Variants in GNG7 observed in about 807,000 individuals in gnomAD.
The protein encoded by GNG7 is guanine nucleotide-binding protein G(I)/G(S)/G(O) subunit gamma-7.
A neutral mutation model predicts 4.0 loss-of-function variants in GNG7; 1 was observed. That is an observed-to-expected ratio of 0.25 (90% confidence interval 0.09 to 1.18). The LOEUF is 1.18. GNG7 is among the 50% of genes most tolerant of loss of function. The probability of loss-of-function intolerance (pLI) is 0.50; values close to 1 mark genes in which losing one functional copy is unlikely to be tolerated. For synonymous variants in GNG7, 34 were observed against 36.9 expected (o/e 0.92, Z 0.29); for missense variants, 86 against 91.9 (o/e 0.94, Z 0.26).
intron 1 of GNG7, among the ~76,000 whole-genome samples, chr19:2,701,823 C>T (rs1274703845): frequency 6.6e-6 from 1 of 151,684 alleles, no homozygotes; most frequent in African/African-American, 2.4e-5. Context: ...CCCCCAACAC[C>T]ATCCCCAGCG....
At chr19:2,650,276 C>G (rs1293132162) in intron 1 of GNG7, among the ~76,000 whole-genome samples, 1 of 151,112 alleles carries the variant, frequency 6.6e-6, no homozygotes, top group Admixed American at 6.6e-5. Flanking sequence ...ACCTCCACCT[C>G]CCGAGTTCAA....
At chr19:2,637,296 T>A (rs1362299219) in intron 2 of GNG7, among the ~76,000 whole-genome samples, 1 of 151,648 alleles carries the variant, frequency 6.6e-6, no homozygotes, top group Non-Finnish European at 1.5e-5. Flanking sequence ...GAGCAGGGGA[T>A]CACGGTGCTG....
intron 2 of GNG7, among the ~76,000 whole-genome samples, chr19:2,556,028 A>C (rs1488729611): frequency 6.6e-6 from 1 of 152,220 alleles, no homozygotes; most frequent in Non-Finnish European, 1.5e-5. Flanking sequence ...CCAGGCAGCG[A>C]TCTGCCCCCT....
intron 1 of GNG7, among the ~76,000 whole-genome samples, chr19:2,649,016 G>A (rs1982740770): frequency 6.6e-6 from 1 of 152,040 alleles, no homozygotes; most frequent in African/African-American, 2.4e-5. Context: ...AGCCTCCTGA[G>A]GAGCTGGGCC....
At chr19:2,670,009 CA>C (rs796312127) in intron 1 of GNG7, among the ~76,000 whole-genome samples, 938 of 78,058 alleles carry the variant, frequency 0.012, 2 homozygotes, top group African/African-American at 0.032. Context: ...GACTCTGTCT[CA>C]AAAAAAAAAA....
chr19:2,682,199 G>A (rs186073316), intron 1 of GNG7, among the ~76,000 whole-genome samples: 6 of 151,644 alleles, frequency 4.0e-5, no homozygotes, highest in African/African-American at 7.3e-5. Context: ...GTGAGCCACC[G>A]CGCCCGGCCT....
chr19:2,573,018 CCTT>C (rs1377221313), intron 2 of GNG7, among the ~76,000 whole-genome samples: 165 of 148,180 alleles, frequency 1.1e-3, no homozygotes, highest in African/African-American at 4.0e-3. Context: ...GGAAATTTCT[CCTT>C]TTTTTTTTTT....
At chr19:2,612,507 AC>A (rs34728363) in intron 2 of GNG7, among the ~76,000 whole-genome samples, 51 of 148,676 alleles carry the variant, frequency 3.4e-4, no homozygotes, top group Non-Finnish European at 5.7e-4. Context: ...TGAAGCCAGG[AC>A]CCCCCCCAGG....
At chr19:2,616,783 C>A (rs1042485522) in intron 2 of GNG7, among the ~76,000 whole-genome samples, 8 of 151,632 alleles carry the variant, frequency 5.3e-5, no homozygotes, top group Non-Finnish European at 7.4e-5. Context: ...AAAAAAAAAA[C>A]CAGACAAATA....
chr19:2,637,500 C>A (rs1438367077), intron 2 of GNG7, among the ~76,000 whole-genome samples: 1 of 152,200 alleles, frequency 6.6e-6, no homozygotes, highest in Non-Finnish European at 1.5e-5. Context: ...GCCAAAGCCG[C>A]ACTCGCCCAG....
chr19:2,702,097 C>T (rs1250880201), intron 1 of GNG7, among the ~76,000 whole-genome samples: 2 of 150,710 alleles, frequency 1.3e-5, no homozygotes, highest in Non-Finnish European at 3.0e-5. Flanking sequence ...AATCCCGCTC[C>T]AAGCTCCCTC....
At chr19:2,542,018 T>C (rs938227589) in intron 3 of GNG7, among the ~76,000 whole-genome samples, 2 of 151,006 alleles carry the variant, frequency 1.3e-5, no homozygotes, top group African/African-American at 4.9e-5. Flanking sequence ...TGTCTGGGGC[T>C]GGCTGCAGGG....
At chr19:2,585,418 A>C (rs1980641940) in intron 2 of GNG7, among the ~76,000 whole-genome samples, 1 of 152,224 alleles carries the variant, frequency 6.6e-6, no homozygotes, top group Non-Finnish European at 1.5e-5. Flanking sequence ...ACACACGGTG[A>C]ACGATGGAGT....
At chr19:2,547,371 C>T (rs12984657) in intron 3 of GNG7, among the ~76,000 whole-genome samples, 12,375 of 152,040 alleles carry the variant, frequency 0.081, 618 homozygotes, top group South Asian at 0.16. Flanking sequence ...ATCTCTTTCC[C>T]GCCTTTCGCC....
At chr19:2,548,498 A>C (rs1190164618) in intron 3 of GNG7, among the ~76,000 whole-genome samples, 1 of 148,312 alleles carries the variant, frequency 6.7e-6, no homozygotes, top group Non-Finnish European at 1.5e-5. Context: ...AAAAAAAAAA[A>C]AAAAACCTAG....
intron 2 of GNG7, among the ~76,000 whole-genome samples, chr19:2,561,510 G>T (rs1979740245): frequency 6.6e-6 from 1 of 151,970 alleles, no homozygotes; most frequent in Admixed American, 6.6e-5. Context: ...CCCTGGCCTG[G>T]GTCTTTGACC....
Position 2,511,743 on chromosome 19 carries a change from G to A in GNG7, c.*3279C>T. The A allele has an allele frequency of 3.2e-6, 3 of 937,666 alleles. No homozygotes were observed. Among genetic ancestry groups the A allele is most frequent in the Non-Finnish European group, 3.8e-6 (3 of 786,098 alleles). 58.1% of individuals were successfully genotyped at this position (937,666 alleles called of 1,614,324 possible). On this transcript the variant is annotated 3_prime_UTR_variant, in exon 5 of 5. Transcript: ENST00000382159. The surrounding 1 kb of genome is among the most constrained non-coding windows in gnomAD (Gnocchi z 6.3). ...GCCCGTCAAAGGGACCACGCAGAAG[G>A]AGGGAAACAGGAGCACCTTCCGCCC... is the stretch of plus-strand genomic sequence containing the variant.
intron 2 of GNG7, among the ~76,000 whole-genome samples, chr19:2,564,834 C>T (rs61539208): frequency 0.27 from 40,331 of 151,398 alleles, 6,422 homozygotes; most frequent in Non-Finnish European, 0.36. Context: ...ATTTAAAGCC[C>T]CGCAATCTGT....
At chr19:2,688,455 A>T (rs1913052402) in intron 1 of GNG7, among the ~76,000 whole-genome samples, 1 of 152,140 alleles carries the variant, frequency 6.6e-6, no homozygotes, top group South Asian at 2.1e-4. Context: ...GGTCTCAAGG[A>T]TCCCCAGCAG....
Sources: gnomAD v4.1 joint callset for allele counts (sites outside exome capture counted in the v4.1 genomes callset) on GRCh38, gnomAD v4.1.1 for gene constraint, Gnocchi (gnomAD v3.1) non-coding constraint, MANE v1.5 for transcripts, NCBI Gene and HGNC (gene_info 2026-07-23, HGNC 2026-07-21) for gene names.